Variants in CLYBL observed in about 807,000 individuals in gnomAD.
The protein encoded by CLYBL is citramalyl-CoA lyase, mitochondrial.
CLYBL carries 31 observed loss-of-function variants against 38.9 expected under a neutral mutation model. The ratio of observed to expected loss-of-function variants is 0.80; its 90% CI spans 0.60 to 1.08. The LOEUF (loss-of-function observed/expected upper bound fraction) is 1.08. Among genes scored for constraint, CLYBL ranks in the 50% least tolerant of loss-of-function variants. The pLI is 0.00. For synonymous variants in CLYBL, 171 were observed against 158.6 expected (o/e 1.08, Z -0.59); for missense variants, 434 against 411.6 (o/e 1.05, Z -0.47).
Position 99,716,179 on chromosome 13 carries a change from T to G in CLYBL, c.63-56645T>G, listed in dbSNP as rs1198204395. Among the ~76,000 whole-genome samples, 4 of 80,070 alleles carry G rather than the reference T, an allele frequency of 5.0e-5. 1 individual carries two copies. Among genetic ancestry groups the G allele is most frequent in the African/African-American group, 1.9e-4 (4 of 20,942 alleles). The allele number at this position is 80,070 out of a possible 152,430, so 52.5% of individuals were successfully genotyped here. A position where few individuals can be genotyped will look rare whatever the true frequency, so the allele number is the denominator to read the frequency against. ...TGCTTTATTGGTGTAATTTTTTTTT[T>G]TTTTTTTTTTTTTTTTTTTTTTTTT... On this transcript the variant is annotated intron_variant, in intron 1 of 8. Transcript: ENST00000339105.
chr13:99,859,514 GA>G (rs1413618350), intron 3 of CLYBL, among the ~76,000 whole-genome samples: 1 of 152,224 alleles, frequency 6.6e-6, no homozygotes, highest in African/African-American at 2.4e-5. Context: ...AGAAGGGGAG[GA>G]AAAGGTCACT....
At chr13:99,607,234 T>G (rs189280028) in intron 1 of CLYBL, among the ~76,000 whole-genome samples, 1 of 152,116 alleles carries the variant, frequency 6.6e-6, no homozygotes, top group Non-Finnish European at 1.5e-5. Context: ...ACCAGAAATT[T>G]AAAAAATATT....
chr13:99,719,296 C>T (rs779196082), intron 1 of CLYBL, among the ~76,000 whole-genome samples: 2 of 151,856 alleles, frequency 1.3e-5, no homozygotes, highest in African/African-American at 2.4e-5. Flanking sequence ...AGGCAGGCAC[C>T]ACCAAGCCTG....
At chr13:99,785,489 A>C (rs1389691198) in intron 2 of CLYBL, among the ~76,000 whole-genome samples, 1 of 152,060 alleles carries the variant, frequency 6.6e-6, no homozygotes, top group African/African-American at 2.4e-5. Context: ...TAAAAAGCCA[A>C]ATAGTTATAA....
In CLYBL at chr13:99,814,347, G is replaced by A. The variant is rs189947788; in HGVS notation, c.249+41337G>A. On this transcript the variant is annotated intron_variant, in intron 2 of 8. Coordinates refer to ENST00000339105, the MANE Select transcript of CLYBL (RefSeq NM_206808.5). ...ACCCAAGATCATGTAGTCAGAAACA[G>A]AGACTGAATTCAGGGCATGGGAACT... is the stretch of plus-strand genomic sequence containing the variant. 3.3e-5 allele frequency among the ~76,000 whole-genome samples: 5 copies of A among 152,320 alleles called. No individual in the cohort carries two copies. In the East Asian group the frequency reaches 9.6e-4, roughly 29 times the overall value.
intron 1 of CLYBL, among the ~76,000 whole-genome samples, chr13:99,615,727 G>A (rs2793762): frequency 0.31 from 46,638 of 152,116 alleles, 8,508 homozygotes; most frequent in Non-Finnish European, 0.41. Context: ...CTTGAATGAT[G>A]CAGACTTGAG....
At chr13:99,754,274 G>A (rs376911456) in intron 1 of CLYBL, among the ~76,000 whole-genome samples, 26 of 151,700 alleles carry the variant, frequency 1.7e-4, no homozygotes, top group African/African-American at 5.6e-4. Flanking sequence ...GCCGGGCATG[G>A]TAGCACGTGC....
Position 99,679,464 on chromosome 13 carries a change from A to C in CLYBL, c.62+72707A>C, listed in dbSNP as rs1056757898. Among the ~76,000 whole-genome samples the C allele has an allele frequency of 1.1e-4, 16 of 152,228 alleles. No individual in the cohort carries two copies. In the East Asian group the frequency reaches 3.1e-3, roughly 29 times the overall value. ...GAACTCCTCTTTAATGTGACCTTTT[A>C]GGGTATTCAGCGTCCATCTTCCTCA... On this transcript the variant is annotated intron_variant, in intron 1 of 8. Coordinates refer to ENST00000339105, the MANE Select transcript of CLYBL (RefSeq NM_206808.5).
At chr13:99,778,116 G>A (rs2049561183) in intron 2 of CLYBL, among the ~76,000 whole-genome samples, 1 of 152,190 alleles carries the variant, frequency 6.6e-6, no homozygotes, top group Non-Finnish European at 1.5e-5. Context: ...GACTCTTTCA[G>A]TGTTCTGGGA....
At chr13:99,847,240 G>T (rs1418104917) in intron 2 of CLYBL, among the ~76,000 whole-genome samples, 2 of 152,306 alleles carry the variant, frequency 1.3e-5, no homozygotes, top group Non-Finnish European at 2.9e-5. Context: ...AAGGCTGGCG[G>T]ACCCTGCCCT....
Position 99,865,071 on chromosome 13 carries a change from G to A in CLYBL, c.634+160G>A, listed in dbSNP as rs1202275276. On this transcript the variant is annotated intron_variant, in intron 5 of 8. Coordinates refer to ENST00000339105, the MANE Select transcript of CLYBL (RefSeq NM_206808.5). This position sits in a 1 kb window ranked among gnomAD's most constrained non-coding sequence, Gnocchi z 4.7. Reference sequence around the variant, plus strand: ...GACAATGGAATGGACACTACTTCCTGATAATTTAGGGCTCCTCATAGCTGC... The same window carrying A: ...GACAATGGAATGGACACTACTTCCTAATAATTTAGGGCTCCTCATAGCTGC... 4.4e-6 allele frequency: 3 copies of A among 676,890 alleles called. No homozygotes were observed. Among genetic ancestry groups the A allele is most frequent in the Non-Finnish European group, 5.5e-6 (2 of 361,134 alleles). The allele number at this position is 676,890 out of a possible 1,614,324, so 41.9% of individuals were successfully genotyped here.
At chr13:99,764,855 T>C (rs573288295) in intron 1 of CLYBL, among the ~76,000 whole-genome samples, 26 of 151,766 alleles carry the variant, frequency 1.7e-4, no homozygotes, top group Admixed American at 1.2e-3. Context: ...TAATTTTTTT[T>C]TTTTTTTTAA....
At chr13:99,791,435 A>T (rs1431745923) in intron 2 of CLYBL, among the ~76,000 whole-genome samples, 1 of 152,174 alleles carries the variant, frequency 6.6e-6, no homozygotes, top group Non-Finnish European at 1.5e-5. Flanking sequence ...GAGAGTGAGT[A>T]ATTAGTATGT....
At chr13:99,834,021 C>T (rs2050880515) in intron 2 of CLYBL, among the ~76,000 whole-genome samples, 1 of 151,988 alleles carries the variant, frequency 6.6e-6, no homozygotes, top group Admixed American at 6.6e-5. Context: ...ATTTTGAGGA[C>T]ACCTGGGCAC....
intron 1 of CLYBL, among the ~76,000 whole-genome samples, chr13:99,710,864 C>T (rs985886003): frequency 1.4e-5 from 2 of 145,098 alleles, no homozygotes; most frequent in Non-Finnish European, 3.0e-5. Context: ...CTCCTGGCTT[C>T]TCTTAGTTTC....
chr13:99,827,516 C>T (rs184768381), intron 2 of CLYBL, among the ~76,000 whole-genome samples: 46 of 152,300 alleles, frequency 3.0e-4, no homozygotes, highest in African/African-American at 1.1e-3. Context: ...CAGAAAGAAA[C>T]TGGACAGGAC....
chr13:99,837,043 TAAAAAA>T (rs34500560), intron 2 of CLYBL, among the ~76,000 whole-genome samples: 1 of 147,934 alleles, frequency 6.8e-6, no homozygotes, highest in African/African-American at 2.5e-5. Flanking sequence ...GTATAATAAT[TAAAAAA>T]AAAAGGAGAG....
chr13:99,730,913 T>C (rs758926658), intron 1 of CLYBL, among the ~76,000 whole-genome samples: 1 of 151,694 alleles, frequency 6.6e-6, no homozygotes, highest in Non-Finnish European at 1.5e-5. Flanking sequence ...TGAAACCCCT[T>C]CTCTACTAAA....
intron 1 of CLYBL, among the ~76,000 whole-genome samples, chr13:99,710,753 A>C (rs753665280): frequency 3.9e-4 from 59 of 151,852 alleles, no homozygotes; most frequent in Non-Finnish European, 7.1e-4. Context: ...TGGAATTCTT[A>C]CCCATAGCTT....
Sources: allele counts gnomAD v4.1 joint callset (sites outside exome capture counted in the v4.1 genomes callset), GRCh38; gene constraint gnomAD v4.1.1; non-coding constraint Gnocchi (gnomAD v3.1); transcripts MANE v1.5; gene names NCBI Gene and HGNC (gene_info 2026-07-23, HGNC 2026-07-21).